The following ZMYM1 variants were observed in gnomAD, a reference collection of about 807,000 sequenced individuals.
ZMYM1 encodes the protein zinc finger MYM-type containing 1, also known as zinc finger MYM-type protein 1.
In ZMYM1, 39 loss-of-function variants were observed where a neutral mutation model predicts 60.0. The observed-to-expected ratio is 0.65, with a 90% CI of 0.50 to 0.85. ZMYM1 has a LOEUF of 0.85. ZMYM1 is among the 40% of genes least tolerant of loss of function. The pLI is 0.00. For synonymous variants in ZMYM1, 413 were observed against 454.0 expected, an observed-to-expected ratio of 0.91 and a Z score of 1.15; for missense variants, 1,171 against 1,309.5, an observed-to-expected ratio of 0.89 and a Z score of 1.63.
At chr1:35,087,348 A>G (rs1407695929) in intron 1 of ZMYM1, among the ~76,000 whole-genome samples, 1 of 152,034 alleles carries the variant, frequency 6.6e-6, no homozygotes, top group Non-Finnish European at 1.5e-5. Context: ...ATACTATTGT[A>G]CTAATTTTCC....
intron 1 of ZMYM1, among the ~76,000 whole-genome samples, chr1:35,071,627 C>A (rs1642068384): frequency 1.3e-5 from 2 of 152,132 alleles, no homozygotes; most frequent in Non-Finnish European, 2.9e-5. Flanking sequence ...AGCCACTGCA[C>A]CCAGCCTTCC....
chr1:35,082,151 T>C (rs949070921), intron 1 of ZMYM1, among the ~76,000 whole-genome samples: 1 of 152,122 alleles, frequency 6.6e-6, no homozygotes, highest in Non-Finnish European at 1.5e-5. Flanking sequence ...AACTAGAACT[T>C]CTACTACAAT....
At chr1:35,087,379 C>A (rs985138199) in intron 1 of ZMYM1, among the ~76,000 whole-genome samples, 2 of 151,712 alleles carry the variant, frequency 1.3e-5, no homozygotes, top group Non-Finnish European at 2.9e-5. Flanking sequence ...TGGATGATAT[C>A]CCCTGGAGGT....
chr1:35,110,448 G>C lies in ZMYM1; in HGVS notation c.961+1G>C. ...AAAGCTAAGATGGAATCTTCTTCAG[G>C]TAATGTTTGTTTAGCAATTGTAGGG... On this transcript the variant is annotated splice_donor_variant, in intron 7 of 9. Transcript: ENST00000359858. LOFTEE classifies it high-confidence loss of function. 1 of 1,484,576 alleles carries C rather than the reference G, an allele frequency of 6.7e-7. No individual in the cohort carries two copies. Among genetic ancestry groups the C allele is most frequent in the Non-Finnish European group, 8.9e-7 (1 of 1,120,070 alleles). The allele number at this position is 1,484,576 out of a possible 1,614,324, so 92.0% of individuals were successfully genotyped here. A position where few individuals can be genotyped will look rare whatever the true frequency, so the allele number is the denominator to read the frequency against.
At chr1:35,118,146 C>T (rs1638526521), downstream of ZMYM1, among the ~76,000 whole-genome samples, 1 of 149,236 alleles carries the variant, frequency 6.7e-6, no homozygotes, top group Non-Finnish European at 1.5e-5. Context: ...GAGGCTAAGG[C>T]AGGAGAATCA....
chr1:35,106,351 A>G (rs1319334623), intron 6 of ZMYM1, among the ~76,000 whole-genome samples: 1 of 151,978 alleles, frequency 6.6e-6, no homozygotes, highest in Admixed American at 6.6e-5. Flanking sequence ...GCTGATGCCT[A>G]TAATCCCAGC....
chr1:35,071,194 T>A (rs1378656480), intron 1 of ZMYM1, among the ~76,000 whole-genome samples: 1 of 152,044 alleles, frequency 6.6e-6, no homozygotes, highest in Non-Finnish European at 1.5e-5. Context: ...GCCTTCTATT[T>A]GTTAATGTGA....
chr1:35,097,035 A>G (rs570491402), intron 3 of ZMYM1, among the ~76,000 whole-genome samples: 2 of 151,966 alleles, frequency 1.3e-5, no homozygotes, highest in Admixed American at 6.6e-5. Context: ...ATGTTGGCCA[A>G]GCTGGTCTTG....
intron 1 of ZMYM1, among the ~76,000 whole-genome samples, chr1:35,071,787 T>C (rs1642070737): frequency 6.6e-6 from 1 of 152,230 alleles, no homozygotes; most frequent in African/African-American, 2.4e-5. Context: ...TTCTTTTCAA[T>C]TTTCAGGAAT....
At chr1:35,108,383 G>A (rs1488475257) in intron 6 of ZMYM1, among the ~76,000 whole-genome samples, 1 of 151,936 alleles carries the variant, frequency 6.6e-6, no homozygotes, top group African/African-American at 2.4e-5. Flanking sequence ...ACACAGTCTT[G>A]CTCTGTTGCC....
chr1:35,103,721 CAAAGT>C (rs1254074365), intron 4 of ZMYM1, among the ~76,000 whole-genome samples: 1 of 152,156 alleles, frequency 6.6e-6, no homozygotes, highest in Non-Finnish European at 1.5e-5. Flanking sequence ...ACATCAGTTG[CAAAGT>C]GATGTTGCAA....
chr1:35,096,645 T>C (rs951369375), intron 3 of ZMYM1, among the ~76,000 whole-genome samples: 1 of 151,740 alleles, frequency 6.6e-6, no homozygotes, highest in African/African-American at 2.4e-5. Flanking sequence ...GCAGTGCTCC[T>C]GCCTCAGCCT....
chr1:35,117,111 G>A (rs1428651591), downstream of ZMYM1, among the ~76,000 whole-genome samples: 2 of 145,720 alleles, frequency 1.4e-5, no homozygotes, highest in East Asian at 2.0e-4. Flanking sequence ...GATTACAGGC[G>A]TGAGCCACCG....
At chr1:35,106,944 C>T (rs920761284) in intron 6 of ZMYM1, among the ~76,000 whole-genome samples, 3 of 151,544 alleles carry the variant, frequency 2.0e-5, no homozygotes, top group Admixed American at 6.6e-5. Context: ...CTCCGCCTCG[C>T]GGGTTCACGC....
In ZMYM1 at chr1:35,104,368, C is replaced by T; in HGVS notation, c.493C>T (p.Leu165=). ...TACCTCTTGCAAAACTTTTTGCAGC[C>T]TATCTTGTCTTTCATCATATGAAGA... ...DTTSCKTFCS[L]SCLSSYEEKR... The change falls in exon 5 of 10, where the codon CTA becomes TTA. Residue 165 remains leucine, a synonymous_variant. Transcript: ENST00000359858. 1 of 1,612,462 alleles carries T rather than the reference C, an allele frequency of 6.2e-7. No homozygotes were observed.
chr1:35,077,141 G>A (rs1642182189), upstream of ZMYM1, among the ~76,000 whole-genome samples: 1 of 151,816 alleles, frequency 6.6e-6, no homozygotes, highest in South Asian at 2.1e-4. Flanking sequence ...GGGGGTGGTT[G>A]GAATATCACA....
intron 1 of ZMYM1, among the ~76,000 whole-genome samples, chr1:35,073,334 AAAGAAAGG>A (rs1473841597): frequency 0.03 from 1,304 of 44,112 alleles, 26 homozygotes; most frequent in African/African-American, 0.092. Flanking sequence ...AGGGAGAAAG[AAAGAAAGG>A]AAGGAAGGAA....
chr1:35,065,235 G>T (rs980707948), intron 1 of ZMYM1, among the ~76,000 whole-genome samples: 5 of 151,278 alleles, frequency 3.3e-5, no homozygotes, highest in Admixed American at 2.0e-4. Flanking sequence ...AACCTACTCT[G>T]CCTGAAGATG....
chr1:35,106,896 G>A (rs1643907604), intron 6 of ZMYM1, among the ~76,000 whole-genome samples: 2 of 151,482 alleles, frequency 1.3e-5, no homozygotes, highest in African/African-American at 4.8e-5. Flanking sequence ...CTGTCGCCCA[G>A]GCTGGAGTGC....
Sources: gnomAD v4.1 joint callset for allele counts (sites outside exome capture counted in the v4.1 genomes callset) on GRCh38, gnomAD v4.1.1 for gene constraint, MANE v1.5 for transcripts, NCBI Gene and HGNC (gene_info 2026-07-23, HGNC 2026-07-21) for gene names.